The following PLS3 variants were observed in gnomAD, a reference collection of about 807,000 sequenced individuals.
PLS3 encodes the protein plastin-3.
A neutral mutation model predicts 46.5 loss-of-function variants in PLS3; 11 were observed. That is an observed-to-expected ratio of 0.24 (90% CI 0.15 to 0.39). PLS3 has a LOEUF of 0.39. Ranked by LOEUF, PLS3 falls within the 10% of genes least tolerant of loss-of-function variation. PLS3 has a pLI of 1.00. For synonymous variants in PLS3, 167 were observed against 162.2 expected (o/e 1.03, Z -0.22); for missense variants, 308 against 461.8 (o/e 0.67, Z 3.05).
intron 8 of PLS3, chrX:115,639,734 G>A (rs1485865195): frequency 8.7e-6 from 3 of 345,339 alleles, no homozygotes. Flanking sequence ...GCTGTGTTTT[G>A]TGGAGTTGTC....
At chrX:115,595,724 C>CT (rs1556633745) in intron 1 of PLS3, among the ~76,000 whole-genome samples, 3 of 83,725 alleles carry the variant, frequency 3.6e-5, no homozygotes. Flanking sequence ...GAGTCTCACT[C>CT]TGTTGCCCAG....
At chrX:115,626,875 G>T (rs2074716415) in intron 3 of PLS3, among the ~76,000 whole-genome samples, 1 of 104,349 alleles carries the variant, frequency 9.6e-6, no homozygotes, top group Non-Finnish European at 1.9e-5. Flanking sequence ...TCTGAGACAG[G>T]ATCTTGCTCT....
At chrX:115,563,157 A>G (rs2074150616) in intron 1 of PLS3, among the ~76,000 whole-genome samples, 1 of 111,821 alleles carries the variant, frequency 8.9e-6, no homozygotes, top group African/African-American at 3.2e-5. Flanking sequence ...TTAAAAAGTA[A>G]GGCTCTGTTC....
At chrX:115,613,402 C>A (rs1023353415) in intron 2 of PLS3, among the ~76,000 whole-genome samples, 1 of 111,396 alleles carries the variant, frequency 9.0e-6, no homozygotes, top group Non-Finnish European at 1.9e-5. Flanking sequence ...TATATAAAAA[C>A]CACATCAGGA....
intron 1 of PLS3, among the ~76,000 whole-genome samples, chrX:115,582,047 G>T (rs781974679): frequency 2.7e-5 from 3 of 112,290 alleles, no homozygotes; most frequent in South Asian, 7.4e-4. Context: ...GGTACTCATT[G>T]TAAACATATA....
chrX:115,568,504 G>A (rs782106609), intron 1 of PLS3, among the ~76,000 whole-genome samples: 1 of 111,676 alleles, frequency 9.0e-6, no homozygotes, highest in African/African-American at 3.3e-5. Flanking sequence ...TAAAATCACT[G>A]CAGTATATTT....
chrX:115,646,041 A>G, intron 11 of PLS3, 31 bp from the exon 12 acceptor site: 2 of 858,653 alleles, frequency 2.3e-6, no homozygotes, highest in Non-Finnish European at 3.5e-6. Context: ...GCTTCCTGAA[A>G]ACACTGATTA....
intron 1 of PLS3, among the ~76,000 whole-genome samples, chrX:115,573,452 T>A (rs2147418985): frequency 8.9e-6 from 1 of 112,328 alleles, no homozygotes; most frequent in African/African-American, 3.2e-5. Context: ...AATAAAATTC[T>A]TTCCAGCTTT....
chrX:115,610,428 A>C (rs2074537325), intron 2 of PLS3, 105 bp downstream of exon 2: 1 of 388,592 alleles, frequency 2.6e-6, no homozygotes, highest in Non-Finnish European at 4.5e-6. Flanking sequence ...ACATTAGGGC[A>C]AGATAGTTAA....
At chrX:115,579,304 A>T (rs782623544) in intron 1 of PLS3, among the ~76,000 whole-genome samples, 6 of 112,090 alleles carry the variant, frequency 5.4e-5, no homozygotes, top group African/African-American at 1.9e-4. Flanking sequence ...AAGTTTATTT[A>T]ACCATTCACC....
intron 2 of PLS3, among the ~76,000 whole-genome samples, chrX:115,620,480 A>G (rs782359723): frequency 3.6e-5 from 4 of 109,767 alleles, no homozygotes; most frequent in East Asian, 5.8e-4. Flanking sequence ...CAATATCTCT[A>G]TAACCCAGGG....
chrX:115,633,899 T>TA, intron 5 of PLS3, 101 bp from the exon 6 acceptor site: 1 of 516,731 alleles, frequency 1.9e-6, no homozygotes, highest in Non-Finnish European at 3.4e-6. Flanking sequence ...AAAGAGATGT[T>TA]ATAGTAAGCT....
intron 2 of PLS3, among the ~76,000 whole-genome samples, chrX:115,615,267 G>C (rs1387617510): frequency 9.0e-6 from 1 of 110,704 alleles, no homozygotes; most frequent in Non-Finnish European, 1.9e-5. Flanking sequence ...TTAAATAACA[G>C]GATGCAAGGG....
At chrX:115,643,184 C>G in intron 9 of PLS3, 129 bp from the exon 10 acceptor site, 2 of 456,621 alleles carry the variant, frequency 4.4e-6, no homozygotes, top group Admixed American at 7.6e-5. Context: ...GCATTCAAAA[C>G]AATTTTATAA....
At chrX:115,566,450 G>A (rs781990951) in intron 1 of PLS3, among the ~76,000 whole-genome samples, 2 of 99,565 alleles carry the variant, frequency 2.0e-5, no homozygotes, top group African/African-American at 7.6e-5. Context: ...TGCAGCGGCC[G>A]TGATCTCGGC....
intron 1 of PLS3, among the ~76,000 whole-genome samples, chrX:115,594,860 A>T (rs1395180031): frequency 3.6e-5 from 4 of 111,140 alleles, no homozygotes; most frequent in African/African-American, 1.3e-4. Flanking sequence ...GGTAGATGTA[A>T]AAGTTTACTT....
intron 1 of PLS3, among the ~76,000 whole-genome samples, chrX:115,581,015 C>T (rs1296711992): frequency 9.0e-6 from 1 of 111,281 alleles, no homozygotes; most frequent in Non-Finnish European, 1.9e-5. Flanking sequence ...GTATTACAGG[C>T]GTGAACCACC....
At chrX:115,636,815 A>ATTT (rs111323826) in intron 7 of PLS3, 21 bp from the exon 8 acceptor site, 4 of 917,345 alleles carry the variant, frequency 4.4e-6, no homozygotes, top group South Asian at 2.4e-5. Flanking sequence ...TAACTGTGGG[A>ATTT]TTTTTTTTTT....
chrX:115,628,864 T>C (rs1200533707), intron 3 of PLS3, among the ~76,000 whole-genome samples: 1 of 112,137 alleles, frequency 8.9e-6, no homozygotes, highest in African/African-American at 3.2e-5. Flanking sequence ...ATGTTTTCTC[T>C]CCAGGAAAAG....
Sources: gnomAD v4.1 joint callset for allele counts (sites outside exome capture counted in the v4.1 genomes callset) on GRCh38, gnomAD v4.1.1 for gene constraint, MANE v1.5 for transcripts, NCBI Gene and HGNC (gene_info 2026-07-23, HGNC 2026-07-21) for gene names.